The following DNAJC6 variants were observed in gnomAD, a reference collection of about 807,000 sequenced individuals.
The protein encoded by DNAJC6 is auxilin.
Under a neutral mutation model 110.0 loss-of-function variants are expected in DNAJC6, and 34 were observed. The ratio of observed to expected loss-of-function variants is 0.31; its 90% confidence interval spans 0.24 to 0.41. The LOEUF (loss-of-function observed/expected upper bound fraction) is 0.41. Ranked by LOEUF, DNAJC6 falls within the 10% of genes least tolerant of loss-of-function variation. The pLI is 1.00. For missense variants in DNAJC6, 1,031 were observed against 1,207.8 expected (o/e 0.85, Z 2.17); for synonymous variants, 406 against 437.2 (o/e 0.93, Z 0.89).
chr1:65,355,799 C>T (rs1379067720), intron 1 of DNAJC6, among the ~76,000 whole-genome samples: 1 of 151,540 alleles, frequency 6.6e-6, no homozygotes, highest in East Asian at 1.9e-4. Flanking sequence ...CTTGGATACA[C>T]CAATAGGAGA....
chr1:65,397,824 G>T (rs558734151), intron 13 of DNAJC6, among the ~76,000 whole-genome samples: 2 of 152,244 alleles, frequency 1.3e-5, no homozygotes, highest in Non-Finnish European at 2.9e-5. Context: ...ACTTAATGAT[G>T]GGAAGGTACT....
At chr1:65,268,692 C>T (rs1653413756) in intron 1 of DNAJC6, among the ~76,000 whole-genome samples, 1 of 152,124 alleles carries the variant, frequency 6.6e-6, no homozygotes, top group Non-Finnish European at 1.5e-5. Flanking sequence ...TGTAAAATTA[C>T]AGTTTTTAAT....
At chr1:65,357,700 C>T (rs959906878) in intron 1 of DNAJC6, among the ~76,000 whole-genome samples, 6 of 152,270 alleles carry the variant, frequency 3.9e-5, no homozygotes, top group African/African-American at 1.2e-4. Flanking sequence ...CACACAGGCT[C>T]TTGGAGGGCT....
chr1:65,377,343 T>C (rs1645776413), intron 4 of DNAJC6, among the ~76,000 whole-genome samples: 1 of 152,218 alleles, frequency 6.6e-6, no homozygotes, highest in Non-Finnish European at 1.5e-5. Flanking sequence ...TATTCTGTAT[T>C]TTTAGTCAGT....
chr1:65,308,557 A>G (rs1645065761), upstream of DNAJC6, among the ~76,000 whole-genome samples: 1 of 152,228 alleles, frequency 6.6e-6, no homozygotes, highest in Admixed American at 6.5e-5. Context: ...TTCTTTTAAG[A>G]ATACACGATG....
chr1:65,372,189 C>G (rs979465885), intron 4 of DNAJC6, among the ~76,000 whole-genome samples: 5 of 134,502 alleles, frequency 3.7e-5, no homozygotes, highest in South Asian at 2.4e-4. Flanking sequence ...GTGTGTGTGT[C>G]ATAGCCAGTT....
chr1:65,370,966 G>T (rs2101570945), intron 4 of DNAJC6, among the ~76,000 whole-genome samples: 1 of 152,240 alleles, frequency 6.6e-6, no homozygotes, highest in Non-Finnish European at 1.5e-5. Context: ...CTCTCACTCT[G>T]CTACCATGCC....
At chr1:65,265,835 G>T (rs1653301229) in intron 1 of DNAJC6, among the ~76,000 whole-genome samples, 1 of 152,102 alleles carries the variant, frequency 6.6e-6, no homozygotes, top group South Asian at 2.1e-4. Context: ...CAGCGGAGTC[G>T]CGTGCCCGTC....
intron 1 of DNAJC6, among the ~76,000 whole-genome samples, chr1:65,316,925 C>CT (rs10711968): frequency 1.3e-4 from 19 of 148,566 alleles, no homozygotes; most frequent in South Asian, 4.3e-4. Context: ...ATAAAGGTCA[C>CT]TTTTTTTTTT....
At chr1:65,287,067 C>A (rs1435036571) in intron 1 of DNAJC6, among the ~76,000 whole-genome samples, 1 of 152,040 alleles carries the variant, frequency 6.6e-6, no homozygotes, top group Non-Finnish European at 1.5e-5. Flanking sequence ...CTTTTACTGA[C>A]CCATATGAAA....
At chr1:65,391,297 AT>A (rs1427442981) in intron 11 of DNAJC6, among the ~76,000 whole-genome samples, 2 of 152,162 alleles carry the variant, frequency 1.3e-5, no homozygotes, top group African/African-American at 4.8e-5. Context: ...TTCATAGCTT[AT>A]TACATTTTAT....
intron 1 of DNAJC6, among the ~76,000 whole-genome samples, chr1:65,317,361 A>G (rs1367575336): frequency 1.3e-5 from 2 of 152,266 alleles, no homozygotes; most frequent in African/African-American, 4.8e-5. Flanking sequence ...TTCACGGTCC[A>G]AGAAATTAGG....
chr1:65,389,580 C>G lies in DNAJC6; in HGVS notation c.1421C>G (p.Pro474Arg), dbSNP rs1645905491. The change falls in exon 11 of 19, where the codon CCC becomes CGC. Residue 474 changes from proline to arginine, a missense_variant. Physicochemically the swap from Pro to Arg is moderately radical, Grantham distance 103 (BLOSUM62 -2). Transcript: ENST00000371069. ...CCAATAGATATCCCTCCAGACAACCCCAGGCATTACGGACAAAGTGGTTTC... is the reference window on the plus strand; with the variant it reads ...CCAATAGATATCCCTCCAGACAACCGCAGGCATTACGGACAAAGTGGTTTC... The part of the protein sequence containing the change: ...QAPIDIPPDN[P>R]RHYGQSGFFA... 6.2e-7 allele frequency: 1 copy of G among 1,614,156 alleles called. No homozygotes were observed. The highest frequency in any genetic ancestry group is 2.2e-5 in the East Asian group (1 of 44,890).
At position 65,385,812 on chromosome 1, in the gene DNAJC6, T is replaced by G. The variant is rs753300613; in HGVS notation, c.901T>G (p.Phe301Val). 2 of 1,614,158 alleles carry G rather than the reference T, an allele frequency of 1.2e-6. No individual in the cohort carries two copies. The highest frequency in any genetic ancestry group is 2.2e-5 in the East Asian group (1 of 44,886). ...GATCACTGTCAGTCCAATACCCTTT[T>G]TCAACAAACAGAGGAATGGATGTCG... The part of the protein sequence containing the change: ...KSITVSPIPF[F>V]NKQRNGCRPY... Residue 301 changes from phenylalanine to valine, a missense_variant, in exon 7 of 19, where the codon TTC (phenylalanine) becomes GTC (valine). Transcript: ENST00000371069.
At chr1:65,321,097 T>C (rs142438458) in intron 1 of DNAJC6, among the ~76,000 whole-genome samples, 3 of 152,270 alleles carry the variant, frequency 2.0e-5, no homozygotes, top group East Asian at 1.9e-4. Context: ...TAGAGAGAGT[T>C]TGAGGTGGCT....
intron 1 of DNAJC6, among the ~76,000 whole-genome samples, chr1:65,269,881 G>A (rs1570191712): frequency 6.6e-6 from 1 of 152,222 alleles, no homozygotes; most frequent in East Asian, 1.9e-4. Flanking sequence ...AAATGATAGT[G>A]CCCTCCGGTG....
chr1:65,305,261 T>C (rs997692040), upstream of DNAJC6, among the ~76,000 whole-genome samples: 1 of 152,210 alleles, frequency 6.6e-6, no homozygotes, highest in Non-Finnish European at 1.5e-5. Context: ...ACATTCATAA[T>C]TGGGAACACT....
intron 1 of DNAJC6, among the ~76,000 whole-genome samples, chr1:65,352,976 C>G (rs940754920): frequency 2.0e-5 from 3 of 152,212 alleles, no homozygotes; most frequent in Admixed American, 6.5e-5. Flanking sequence ...ACTGAAATGT[C>G]GAACAGAAAA....
chr1:65,388,194 G>T, intron 8 of DNAJC6, 142 bp from the exon 9 acceptor site: 1 of 723,332 alleles, frequency 1.4e-6, no homozygotes, highest in Non-Finnish European at 2.4e-6. Flanking sequence ...TATTCTAACT[G>T]GGGAGGTCAT....
Sources: gnomAD v4.1 joint callset for allele counts (sites outside exome capture counted in the v4.1 genomes callset) on GRCh38, gnomAD v4.1.1 for gene constraint, MANE v1.5 for transcripts, NCBI Gene and HGNC (gene_info 2026-07-23, HGNC 2026-07-21) for gene names.